The following STARD9 variants were observed in gnomAD, a reference collection of about 807,000 sequenced individuals.
STARD9 encodes the protein stAR-related lipid transfer protein 9.
Under a neutral mutation model 399.8 loss-of-function variants are expected in STARD9, and 346 were observed. That is an observed-to-expected ratio of 0.87 (90% CI 0.79 to 0.95). The LOEUF is 0.95. STARD9 is among the 40% of genes least tolerant of loss of function. The pLI is 0.00. For missense variants in STARD9, 5,832 were observed against 5,667.5 expected (o/e 1.03, Z -0.93); for synonymous variants, 2,203 against 2,143.5 (o/e 1.03, Z -0.77).
chr15:42,652,937 C>T (rs541703166), intron 9 of STARD9, among the ~76,000 whole-genome samples: 1 of 152,298 alleles, frequency 6.6e-6, no homozygotes, highest in East Asian at 1.9e-4. Flanking sequence ...CTCGGCCTGC[C>T]TAAGTGCTGG....
chr15:42,660,951 G>GTT (rs59202724), intron 9 of STARD9, among the ~76,000 whole-genome samples: 2 of 144,102 alleles, frequency 1.4e-5, no homozygotes, highest in South Asian at 2.2e-4. Flanking sequence ...TTTTTGTTTT[G>GTT]TTTTTTTTTT....
rs574994566 is a variant in STARD9, at chr15:42,693,963, C to A, written c.12385C>A (p.Gln4129Lys). 5 of 1,504,568 alleles carry A rather than the reference C, an allele frequency of 3.3e-6. No individual in the cohort carries two copies. The South Asian group carries it at 5.1e-5, about 15-fold the overall frequency. The allele number at this position is 1,504,568 out of a possible 1,614,324, so 93.2% of individuals were successfully genotyped here. The change falls in exon 23 of 33, where the codon CAG becomes AAG. Residue 4129 changes from glutamine to lysine, a missense_variant. Gln to Lys is a moderately conservative substitution (Grantham distance 53). Around this residue, in one of 2 missense-constraint regions of STARD9, gnomAD observed 5,828 missense variants for 5,651.1 expected, o/e 1.03. Coordinates refer to ENST00000290607, the MANE Select transcript of STARD9 (RefSeq NM_020759.3). ...SCQMCMAPEHQHHSLRDLPVH... is the reference protein window; with the variant it reads ...SCQMCMAPEHKHHSLRDLPVH... ...CCAGATGTGCATGGCCCCTGAGCAC[C>A]AGCACCACAGTCTGAGGGACCTCCC...
chr15:42,691,734 G>A lies in STARD9; in HGVS notation c.10156G>A (p.Ala3386Thr), dbSNP rs1331820321. 58 of 1,537,122 alleles carry A rather than the reference G, an allele frequency of 3.8e-5. No homozygotes were observed. The highest frequency in any genetic ancestry group is 1.5e-5 in the Non-Finnish European group (17 of 1,146,910). ...SLQAEDSNQK[A>T]SSRLDDGTTD... ...GCAGGCTGAGGACAGCAATCAGAAA[G>A]CCTCATCTCGCTTGGATGATGGGAC... The change falls in exon 23 of 33, where the codon GCC (alanine) becomes ACC (threonine). Residue 3386 changes from alanine (A) to threonine (T), a missense_variant. Ala to Thr is a moderately conservative substitution (Grantham distance 58). Around this residue, in one of 2 missense-constraint regions of STARD9, gnomAD observed 5,828 missense variants for 5,651.1 expected, o/e 1.03. Transcript: ENST00000290607.
At chr15:42,644,180 A>G (rs1240110867) in intron 7 of STARD9, among the ~76,000 whole-genome samples, 1 of 152,238 alleles carries the variant, frequency 6.6e-6, no homozygotes, top group East Asian at 1.9e-4. Flanking sequence ...TTAAGTACGA[A>G]GTAGCATTAT....
Position 42,662,813 on chromosome 15 carries a change from T to A in STARD9, c.790T>A (p.Tyr264Asn). ...TTTTAGCGAAAGAGCAGATCCCAGTTACTGTAAGGACCGCATTGCTGAAGG... is the reference window on the plus strand; with the variant it reads ...TTTTAGCGAAAGAGCAGATCCCAGTAACTGTAAGGACCGCATTGCTGAAGG... ...LAGSERADPS[Y>N]CKDRIAEGAN... The change falls in exon 11 of 33, where the codon TAC (tyrosine) becomes AAC (asparagine). Residue 264 changes from tyrosine (Y) to asparagine (N), a missense_variant. Tyr to Asn is a moderately radical substitution (Grantham distance 143, BLOSUM62 -2). Transcript: ENST00000290607. 6.5e-7 allele frequency: 1 copy of A among 1,537,480 alleles called. No homozygotes were observed. Among genetic ancestry groups the A allele is most frequent in the Non-Finnish European group, 8.7e-7 (1 of 1,146,854 alleles).
intron 13 of STARD9, 97 bp downstream of exon 13, chr15:42,664,014 A>G: frequency 1.3e-6 from 1 of 787,648 alleles, no homozygotes; most frequent in South Asian, 1.6e-5. Flanking sequence ...TACTCACCTC[A>G]ACTTTCCAGA....
In STARD9 at chr15:42,692,085, C is replaced by T. The variant is rs780384254; in HGVS notation, c.10507C>T (p.Leu3503=). 2.6e-6 allele frequency: 4 copies of T among 1,537,098 alleles called. No homozygotes were observed. Among genetic ancestry groups the T allele is most frequent in the Middle Eastern group, 1.7e-4 (1 of 6,012 alleles). The change falls in exon 23 of 33, where the codon CTG becomes TTG. Residue 3503 remains leucine, a synonymous_variant. Coordinates refer to ENST00000290607, the MANE Select transcript of STARD9 (RefSeq NM_020759.3). ...DVSCSQKPQG[L]TLSNVARCSS... ...TTCCTGCAGCCAGAAGCCCCAGGGG[C>T]TGACACTATCAAATGTGGCCCGGTG...
At chr15:42,597,998 A>ATG (rs770352086) in intron 3 of STARD9, among the ~76,000 whole-genome samples, 5,563 of 112,492 alleles carry the variant, frequency 0.049, 158 homozygotes, top group South Asian at 0.062. Context: ...TTGTATATAT[A>ATG]TATGTGTGTG....
intron 1 of STARD9, among the ~76,000 whole-genome samples, chr15:42,578,714 C>T (rs1566846385): frequency 6.6e-6 from 1 of 150,610 alleles, no homozygotes. Context: ...ATTAAACAAA[C>T]AGAAGATACT....
intron 14 of STARD9, 97 bp downstream of exon 14, chr15:42,665,427 T>A (rs544284211): frequency 1.8e-4 from 168 of 946,354 alleles, no homozygotes; most frequent in Middle Eastern, 1.1e-3. Flanking sequence ...GCATTCTATG[T>A]TCTCAATTGA....
At position 42,592,065 on chromosome 15, in the gene STARD9, G is replaced by A. The variant is rs147254004; in HGVS notation, c.234+6428G>A. Among the ~76,000 whole-genome samples the A allele has an allele frequency of 2.0e-5, 3 of 152,236 alleles. No individual in the cohort carries two copies. In the East Asian group the frequency reaches 5.8e-4, roughly 29 times the overall value. On this transcript the variant is annotated intron_variant, in intron 3 of 32. Coordinates refer to ENST00000290607, the MANE Select transcript of STARD9 (RefSeq NM_020759.3). Reference sequence around the variant, plus strand: ...GACTCTCAAAAAGAAATACCATTTAGCCTACTAGTGATCTGATCATCTCTT... The same window carrying A: ...GACTCTCAAAAAGAAATACCATTTAACCTACTAGTGATCTGATCATCTCTT...
intron 9 of STARD9, among the ~76,000 whole-genome samples, chr15:42,654,737 G>C (rs28699522): frequency 0.14 from 21,943 of 151,972 alleles, 4,335 homozygotes; most frequent in African/African-American, 0.45. Flanking sequence ...TGAAAGACCT[G>C]TACAAGAAGA....
At position 42,683,988 on chromosome 15, in the gene STARD9, C is replaced by G. The variant is rs1312991094; in HGVS notation, c.2538-128C>G. On this transcript the variant is annotated intron_variant, in intron 22 of 32. Coordinates refer to ENST00000290607, the MANE Select transcript of STARD9 (RefSeq NM_020759.3). ...TAGAGTCCACAATTTCCTTTTATAC[C>G]TGGAGAGCTTTTCTCTGGGTCTGAA... The G allele has an allele frequency of 9.8e-6, 10 of 1,025,036 alleles. No homozygotes were observed. In the East Asian group the frequency reaches 2.8e-4, roughly 29 times the overall value. The allele number at this position is 1,025,036 out of a possible 1,614,324, so 63.5% of individuals were successfully genotyped here. A position where few individuals can be genotyped will look rare whatever the true frequency, so the allele number is the denominator to read the frequency against.
intron 4 of STARD9, 140 bp downstream of exon 4, chr15:42,635,112 A>G (rs1320776248): frequency 8.1e-5 from 42 of 515,856 alleles, no homozygotes; most frequent in Non-Finnish European, 9.6e-5. Flanking sequence ...CTGTTTTAAG[A>G]ATGAGTTTTT....
intron 3 of STARD9, among the ~76,000 whole-genome samples, chr15:42,587,823 C>G (rs1422962185): frequency 2.6e-5 from 4 of 152,164 alleles, no homozygotes; most frequent in African/African-American, 9.6e-5. Context: ...CCTCAGCCTC[C>G]TAAAGTGCTG....
chr15:42,719,624 A>G lies in STARD9; in HGVS notation c.*50A>G. The stretch of plus-strand genomic sequence containing the variant: ...CTGAGATGCAGGCCCAGGCTGCTCA[A>G]GAGAGACACTGTGGCAGCTCCTTGT... On this transcript the variant is annotated 3_prime_UTR_variant, in exon 33 of 33. Coordinates refer to ENST00000290607, the MANE Select transcript of STARD9 (RefSeq NM_020759.3). The G allele has an allele frequency of 8.3e-7, 1 of 1,200,636 alleles. No individual in the cohort carries two copies. The highest frequency in any genetic ancestry group is 2.1e-5 in the Admixed American group (1 of 48,224). 74.4% of individuals were successfully genotyped at this position (1,200,636 alleles called of 1,614,324 possible).
intron 3 of STARD9, among the ~76,000 whole-genome samples, chr15:42,590,116 C>G (rs1394717380): frequency 6.6e-6 from 1 of 151,910 alleles, no homozygotes. Context: ...ACGTGTGCCA[C>G]CATGCTCGGC....
At chr15:42,649,260 C>T (rs2059708488) in intron 7 of STARD9, among the ~76,000 whole-genome samples, 1 of 151,910 alleles carries the variant, frequency 6.6e-6, no homozygotes, top group African/African-American at 2.4e-5. Flanking sequence ...GAACTCCTGA[C>T]CTCATGATCC....
rs1166204938 is a variant in STARD9 at position 42,692,839 on chromosome 15, C to G, written c.11261C>G (p.Pro3754Arg). 2.6e-6 allele frequency: 4 copies of G among 1,537,156 alleles called. No homozygotes were observed. In the African/African-American group the frequency reaches 5.5e-5, roughly 21 times the overall value. ...TLCLQTSEAE[P>R]QGANVILEGL... ...TGCCTCCAGACTTCAGAGGCTGAAC[C>G]TCAGGGAGCCAATGTGATCCTTGAA... The change falls in exon 23 of 33, where the codon CCT (proline) becomes CGT (arginine). Residue 3754 changes from proline to arginine, a missense_variant. Pro to Arg is a moderately radical substitution (Grantham distance 103, BLOSUM62 -2). Coordinates refer to ENST00000290607, the MANE Select transcript of STARD9 (RefSeq NM_020759.3).
Sources: gnomAD v4.1 joint callset for allele counts (sites outside exome capture counted in the v4.1 genomes callset) on GRCh38, gnomAD v4.1.1 for gene constraint, gnomAD v4.1.1 regional missense constraint, MANE v1.5 for transcripts, NCBI Gene and HGNC (gene_info 2026-07-23, HGNC 2026-07-21) for gene names.